The following SDK1 variants were observed in gnomAD, a reference collection of about 807,000 sequenced individuals.
SDK1 encodes sidekick cell adhesion molecule 1, also known as protein sidekick-1.
Under a neutral mutation model 245.5 loss-of-function variants are expected in SDK1, and 157 were observed. The ratio of observed to expected loss-of-function variants is 0.64; its 90% CI spans 0.56 to 0.73. The LOEUF (loss-of-function observed/expected upper bound fraction) is 0.73. Among genes scored for constraint, SDK1 ranks in the 30% least tolerant of loss-of-function variants. The probability of loss-of-function intolerance (pLI) is 0.00; values close to 1 mark genes in which losing one functional copy is unlikely to be tolerated. For synonymous variants in SDK1, 1,647 were observed against 1,278.5 expected (o/e 1.29, Z -6.15); for missense variants, 3,583 against 3,002.3 (o/e 1.19, Z -4.52).
intron 25 of SDK1, among the ~76,000 whole-genome samples, chr7:4,125,870 C>T (rs1164946775): frequency 6.6e-6 from 1 of 152,198 alleles, no homozygotes; most frequent in African/African-American, 2.4e-5. Flanking sequence ...CCAGGCTTAG[C>T]CTTTCACAAG....
rs765729073 is a variant in SDK1 at position 3,435,499 on chromosome 7, TATTATG to T, written c.298+133633_298+133638del. Reference sequence around the variant, plus strand: ...GCACAGACAGTCACGCCCAGCTAATTATTATGATTATGATTATGATTATTATTATTA... The same window carrying T: ...GCACAGACAGTCACGCCCAGCTAATTATTATGATTATGATTATTATTATTA... On this transcript the variant is annotated intron_variant, in intron 1 of 44. Coordinates refer to ENST00000404826, the MANE Select transcript of SDK1 (RefSeq NM_152744.4). 8.3e-4 allele frequency among the ~76,000 whole-genome samples: 125 copies of T among 150,686 alleles called. 1 individual carries two copies. The highest frequency in any genetic ancestry group is 3.5e-3 in the Middle Eastern group (1 of 286).
intron 1 of SDK1, among the ~76,000 whole-genome samples, chr7:3,492,315 A>T (rs1307948384): frequency 6.6e-6 from 1 of 152,204 alleles, no homozygotes; most frequent in African/African-American, 2.4e-5. Context: ...TAACACGGTG[A>T]AACCCCGTCT....
chr7:3,581,427 C>G lies in SDK1; in HGVS notation c.299-37653C>G, dbSNP rs546503201. On this transcript the variant is annotated intron_variant, in intron 1 of 44. Coordinates refer to ENST00000404826, the MANE Select transcript of SDK1 (RefSeq NM_152744.4). ...AATATCACTGATCACTAGGGAAATGCAAATCAAAACTACAATGAGATGCCA... is the reference window on the plus strand; with the variant it reads ...AATATCACTGATCACTAGGGAAATGGAAATCAAAACTACAATGAGATGCCA... Among the ~76,000 whole-genome samples, 517 of 152,218 alleles carry G rather than the reference C, an allele frequency of 3.4e-3. 3 individuals carry two copies. The highest frequency in any genetic ancestry group is 5.7e-3 in the Non-Finnish European group (389 of 68,012).
At chr7:4,230,343 T>G (rs1054192531) in intron 40 of SDK1, among the ~76,000 whole-genome samples, 9 of 137,308 alleles carry the variant, frequency 6.6e-5, no homozygotes, top group African/African-American at 2.2e-4. Context: ...GATGAATGAA[T>G]GGATGGATGC....
intron 14 of SDK1, among the ~76,000 whole-genome samples, chr7:3,995,957 C>A (rs1406931232): frequency 1.3e-5 from 2 of 152,022 alleles, no homozygotes; most frequent in Non-Finnish European, 2.9e-5. Context: ...TTTGTCACTT[C>A]ATTACTTTTG....
chr7:4,129,846 G>C, intron 26 of SDK1, 62 bp from the exon 27 acceptor site: 2 of 1,600,888 alleles, frequency 1.2e-6, no homozygotes, highest in Admixed American at 3.4e-5. Flanking sequence ...CCTGCCCCAT[G>C]CCACGGCGGT....
chr7:4,249,914 C>G (rs1787181074), intron 44 of SDK1, among the ~76,000 whole-genome samples: 1 of 152,178 alleles, frequency 6.6e-6, no homozygotes, highest in Non-Finnish European at 1.5e-5. Flanking sequence ...TTGAAGTACA[C>G]AATTCAGTGG....
intron 1 of SDK1, among the ~76,000 whole-genome samples, chr7:3,388,752 A>T (rs1408688162): frequency 1.3e-5 from 2 of 152,136 alleles, no homozygotes; most frequent in Non-Finnish European, 1.5e-5. Context: ...ACTATATTAT[A>T]TTATGGGATG....
At chr7:3,508,899 GTATTT>G in intron 1 of SDK1, among the ~76,000 whole-genome samples, 1 of 152,206 alleles carries the variant, frequency 6.6e-6, no homozygotes, top group East Asian at 1.9e-4. Context: ...TAGGAAGTGA[GTATTT>G]TATTCAGTGC....
chr7:4,043,718 T>A (rs1402759712), intron 17 of SDK1, among the ~76,000 whole-genome samples: 1 of 152,192 alleles, frequency 6.6e-6, no homozygotes, highest in Non-Finnish European at 1.5e-5. Context: ...TTATTTAAAT[T>A]ATGCAAATTT....
intron 5 of SDK1, among the ~76,000 whole-genome samples, chr7:3,903,426 A>G (rs914195572): frequency 1.5e-4 from 23 of 152,144 alleles, no homozygotes; most frequent in South Asian, 4.2e-4. Context: ...GATTACAGGC[A>G]CGAGCCACCG....
At chr7:4,251,722 AC>A (rs1360459157) in intron 44 of SDK1, among the ~76,000 whole-genome samples, 2 of 152,266 alleles carry the variant, frequency 1.3e-5, no homozygotes, top group Admixed American at 1.3e-4. Context: ...GGAACTTTTT[AC>A]CAGTCAAGTT....
chr7:3,986,603 G>C, intron 13 of SDK1, among the ~76,000 whole-genome samples: 1 of 152,230 alleles, frequency 6.6e-6, no homozygotes, highest in Admixed American at 6.5e-5. Context: ...GCTCACGCCT[G>C]TAATCCCAGC....
intron 40 of SDK1, chr7:4,227,120 C>T (rs767248611): frequency 3.4e-5 from 9 of 267,498 alleles, no homozygotes; most frequent in South Asian, 8.2e-5. Context: ...TCTTTGGCAA[C>T]GGGAGTTTTC....
chr7:3,444,391 C>G (rs1238485109), intron 1 of SDK1, among the ~76,000 whole-genome samples: 1 of 152,094 alleles, frequency 6.6e-6, no homozygotes, highest in Non-Finnish European at 1.5e-5. Flanking sequence ...GTAGTCTCTT[C>G]TTTCTTATTT....
intron 1 of SDK1, among the ~76,000 whole-genome samples, chr7:3,525,208 G>C (rs1314616352): frequency 6.6e-6 from 1 of 151,910 alleles, no homozygotes; most frequent in Admixed American, 6.6e-5. Context: ...GTGGGCCCTG[G>C]AACCAATGCC....
intron 4 of SDK1, among the ~76,000 whole-genome samples, chr7:3,694,909 A>G (rs1227427200): frequency 6.6e-6 from 1 of 152,150 alleles, no homozygotes; most frequent in Non-Finnish European, 1.5e-5. Flanking sequence ...ACACAAGCAC[A>G]TTTCCTAGAA....
chr7:3,425,165 G>A (rs7809116), intron 1 of SDK1, among the ~76,000 whole-genome samples: 52,172 of 149,422 alleles, frequency 0.35, 11,817 homozygotes, highest in African/African-American at 0.66. Context: ...CTACAAAACT[G>A]AAAATTACCT....
rs370328510 is a variant in SDK1 at position 4,265,162 on chromosome 7, C to G, written c.6420C>G (p.His2140Gln). Reference protein sequence around the residue: ...DSDYEDALPKHSFVNHYMSDP... With the variant: ...DSDYEDALPKQSFVNHYMSDP... ...ACTACGAGGACGCGCTGCCCAAGCA[C>G]TCCTTCGTGAACCACTACATGAGCG... Residue 2140 changes from histidine to glutamine, a missense_variant, in exon 45 of 45, where the codon CAC (histidine) becomes CAG (glutamine). His to Gln is a conservative substitution (Grantham distance 24). Transcript: ENST00000404826. 2.2e-5 allele frequency: 35 copies of G among 1,612,470 alleles called. No individual in the cohort carries two copies. Among genetic ancestry groups the G allele is most frequent in the Admixed American group, 1.3e-4 (8 of 59,968 alleles).
Sources: allele counts gnomAD v4.1 joint callset (sites outside exome capture counted in the v4.1 genomes callset), GRCh38; gene constraint gnomAD v4.1.1; transcripts MANE v1.5; gene names NCBI Gene and HGNC (gene_info 2026-07-23, HGNC 2026-07-21).